Variants in EPHA6 observed in about 807,000 individuals in gnomAD.
EPHA6 encodes EPH receptor A6, also known as ephrin type-A receptor 6.
A neutral mutation model predicts 112.0 loss-of-function variants in EPHA6; 50 were observed. The ratio of observed to expected loss-of-function variants is 0.45; its 90% CI spans 0.36 to 0.56. The LOEUF is 0.56. EPHA6 is among the 20% of genes least tolerant of loss of function. The probability of loss-of-function intolerance (pLI) is 0.00; values close to 1 mark genes in which losing one functional copy is unlikely to be tolerated. For missense variants in EPHA6, 1,280 were observed against 1,417.4 expected (o/e 0.90, Z 1.56); for synonymous variants, 529 against 490.7 (o/e 1.08, Z -1.03).
At chr3:97,597,499 T>C (rs2093604692) in intron 12 of EPHA6, among the ~76,000 whole-genome samples, 1 of 152,216 alleles carries the variant, frequency 6.6e-6, no homozygotes, top group Admixed American at 6.5e-5. Context: ...ATGAGCCTTA[T>C]ACTCAAATAC....
intron 5 of EPHA6, among the ~76,000 whole-genome samples, chr3:97,351,975 A>G (rs2083838686): frequency 2.0e-5 from 3 of 152,128 alleles, no homozygotes; most frequent in Non-Finnish European, 2.9e-5. Flanking sequence ...CATGTATAGC[A>G]TGGGTCATGG....
At chr3:97,195,274 A>T (rs1026626538) in intron 3 of EPHA6, among the ~76,000 whole-genome samples, 2 of 151,954 alleles carry the variant, frequency 1.3e-5, no homozygotes, top group Non-Finnish European at 2.9e-5. Flanking sequence ...GATTTGAGAT[A>T]GCCACGAGGC....
chr3:97,403,636 CGG>C (rs1370267192), intron 5 of EPHA6, among the ~76,000 whole-genome samples: 1 of 152,048 alleles, frequency 6.6e-6, no homozygotes, highest in Non-Finnish European at 1.5e-5. Flanking sequence ...TTAGTAGAGA[CGG>C]GGTTTCACCG....
chr3:96,835,787 T>C (rs1000810642), intron 1 of EPHA6, among the ~76,000 whole-genome samples: 1 of 152,106 alleles, frequency 6.6e-6, no homozygotes, highest in African/African-American at 2.4e-5. Flanking sequence ...CTTCTTACTC[T>C]TGTGAAGACT....
At chr3:97,070,907 A>G (rs1482783632) in intron 3 of EPHA6, among the ~76,000 whole-genome samples, 3 of 152,086 alleles carry the variant, frequency 2.0e-5, no homozygotes, top group Admixed American at 2.0e-4. Flanking sequence ...AAGCAGATAA[A>G]CGGTATTATT....
At chr3:96,971,796 C>A (rs935791667) in intron 2 of EPHA6, among the ~76,000 whole-genome samples, 64 of 152,168 alleles carry the variant, frequency 4.2e-4, no homozygotes, top group South Asian at 1.2e-3. Flanking sequence ...CACATATGGG[C>A]CATTTTGCAA....
intron 14 of EPHA6, among the ~76,000 whole-genome samples, chr3:97,692,396 T>A (rs1298969898): frequency 3.3e-5 from 5 of 152,236 alleles, no homozygotes; most frequent in Non-Finnish European, 7.3e-5. Context: ...TCAGAATTTT[T>A]AAAGACGATC....
chr3:97,439,387 A>C (rs1222549442), intron 6 of EPHA6, among the ~76,000 whole-genome samples: 5 of 152,188 alleles, frequency 3.3e-5, no homozygotes, highest in Admixed American at 6.5e-5. Context: ...ATTTTGCCAC[A>C]ACAGTGGCTA....
chr3:97,190,412 C>T (rs940547627), intron 3 of EPHA6, among the ~76,000 whole-genome samples: 2 of 152,002 alleles, frequency 1.3e-5, no homozygotes, highest in Admixed American at 6.6e-5. Flanking sequence ...TTCTTTACCC[C>T]TTAAGTGGGA....
Position 97,182,922 on chromosome 3 carries a change from A to C in EPHA6, c.1115-43342A>C, listed in dbSNP as rs528700726. Among the ~76,000 whole-genome samples, 5 of 152,216 alleles carry C rather than the reference A, an allele frequency of 3.3e-5. No individual in the cohort carries two copies. The South Asian group carries it at 6.2e-4, about 19-fold the overall frequency. ...AAACCAAGAATAGATAAAGACAAAA[A>C]TTTGTAATAAAAATGTTTAAACCTG... On this transcript the variant is annotated intron_variant, in intron 3 of 17. Transcript: ENST00000389672.
chr3:97,279,048 T>C (rs1324445344), intron 5 of EPHA6, among the ~76,000 whole-genome samples: 1 of 152,220 alleles, frequency 6.6e-6, no homozygotes. Flanking sequence ...ACAACAATTA[T>C]AATCTATTAC....
intron 1 of EPHA6, among the ~76,000 whole-genome samples, chr3:96,833,273 C>A (rs1317168460): frequency 1.3e-5 from 2 of 150,534 alleles, no homozygotes; most frequent in Admixed American, 1.3e-4. Flanking sequence ...AAGATGAAGA[C>A]AGGTATTGGT....
intron 1 of EPHA6, among the ~76,000 whole-genome samples, chr3:96,839,896 T>A (rs960716280): frequency 1.3e-4 from 20 of 152,042 alleles, no homozygotes; most frequent in Admixed American, 3.3e-4. Context: ...GTTAAAAAAA[T>A]AATAATTCTG....
chr3:97,356,453 G>C, intron 5 of EPHA6, among the ~76,000 whole-genome samples: 1 of 152,098 alleles, frequency 6.6e-6, no homozygotes, highest in East Asian at 1.9e-4. Flanking sequence ...AAAGACGTTG[G>C]GGACAGCTGT....
chr3:96,835,640 T>A (rs1196430088), intron 1 of EPHA6, among the ~76,000 whole-genome samples: 1 of 152,030 alleles, frequency 6.6e-6, no homozygotes, highest in Non-Finnish European at 1.5e-5. Flanking sequence ...GGTTTTTGCT[T>A]TATCAAGAAG....
intron 5 of EPHA6, among the ~76,000 whole-genome samples, chr3:97,347,462 G>A (rs566004233): frequency 2.6e-5 from 4 of 152,092 alleles, no homozygotes; most frequent in East Asian, 3.9e-4. Context: ...TACTAAGTAC[G>A]TTTAATAAAT....
Position 96,875,648 on chromosome 3 carries a change from G to A in EPHA6, c.450+8759G>A, listed in dbSNP as rs1334486602. 2.0e-5 allele frequency among the ~76,000 whole-genome samples: 3 copies of A among 151,510 alleles called. No homozygotes were observed. The East Asian group carries it at 5.8e-4, about 30-fold the overall frequency. On this transcript the variant is annotated intron_variant, in intron 2 of 17. Coordinates refer to ENST00000389672, the MANE Select transcript of EPHA6 (RefSeq NM_001080448.3). Reference sequence around the variant, plus strand: ...GGCAGCTGAAAAATAAGTATGTATGGAATTCATTTTTCAGTATCCCCACTG... The same window carrying A: ...GGCAGCTGAAAAATAAGTATGTATGAAATTCATTTTTCAGTATCCCCACTG...
At chr3:96,991,654 C>T (rs1192262360) in intron 3 of EPHA6, among the ~76,000 whole-genome samples, 1 of 152,116 alleles carries the variant, frequency 6.6e-6, no homozygotes, top group Non-Finnish European at 1.5e-5. Flanking sequence ...AATGTCCCTT[C>T]GTCATGCACA....
chr3:97,124,645 T>C (rs2048135539), intron 3 of EPHA6, among the ~76,000 whole-genome samples: 2 of 152,146 alleles, frequency 1.3e-5, no homozygotes, highest in Non-Finnish European at 1.5e-5. Flanking sequence ...CTGGTGGATG[T>C]TATTTTGAGG....
Sources: gnomAD v4.1 joint callset for allele counts (sites outside exome capture counted in the v4.1 genomes callset) on GRCh38, gnomAD v4.1.1 for gene constraint, MANE v1.5 for transcripts, NCBI Gene and HGNC (gene_info 2026-07-23, HGNC 2026-07-21) for gene names.